Variants in SSBP2 observed in about 807,000 individuals in gnomAD.
SSBP2 encodes the protein single stranded DNA binding protein 2, also known as single-stranded DNA-binding protein 2.
A neutral mutation model predicts 61.8 loss-of-function variants in SSBP2; 17 were observed. That is an observed-to-expected ratio of 0.28 (90% CI 0.19 to 0.41). The LOEUF is 0.41. Ranked by LOEUF, SSBP2 falls within the 10% of genes least tolerant of loss-of-function variation. SSBP2 has a pLI of 1.00. For missense variants in SSBP2, 310 were observed against 458.7 expected, an observed-to-expected ratio of 0.68 and a Z score of 2.96; for synonymous variants, 139 against 141.3, an observed-to-expected ratio of 0.98 and a Z score of 0.12.
At chr5:81,640,894 G>A (rs1038764374) in intron 2 of SSBP2, among the ~76,000 whole-genome samples, 2 of 152,074 alleles carry the variant, frequency 1.3e-5, no homozygotes, top group Admixed American at 6.5e-5. Context: ...CCTCACCAAC[G>A]TACTCAGACA....
intron 1 of SSBP2, 106 bp from the exon 2 acceptor site, chr5:81,650,445 C>A: frequency 3.3e-6 from 2 of 605,934 alleles, no homozygotes; most frequent in Non-Finnish European, 5.3e-6. Context: ...TAACAGTGAC[C>A]AAAAATAAAC....
At chr5:81,521,302 A>C (rs929320073) in intron 4 of SSBP2, among the ~76,000 whole-genome samples, 1 of 151,858 alleles carries the variant, frequency 6.6e-6, no homozygotes, top group Non-Finnish European at 1.5e-5. Context: ...TGTTTTTATC[A>C]TCTCTTCTTC....
At chr5:81,440,787 T>C (rs569650969) in intron 13 of SSBP2, 151 bp from the exon 14 acceptor site, 1 of 596,322 alleles carries the variant, frequency 1.7e-6, no homozygotes, top group East Asian at 3.0e-5. Flanking sequence ...TTCAGCCTTG[T>C]GGATTCTCTA....
At chr5:81,654,138 T>A (rs1750008272) in intron 1 of SSBP2, among the ~76,000 whole-genome samples, 1 of 152,000 alleles carries the variant, frequency 6.6e-6, no homozygotes, top group Non-Finnish European at 1.5e-5. Context: ...TAATTTTTAA[T>A]TTTTTTGGTA....
At chr5:81,718,707 A>G (rs1013821955) in intron 1 of SSBP2, among the ~76,000 whole-genome samples, 4 of 152,340 alleles carry the variant, frequency 2.6e-5, no homozygotes, top group East Asian at 1.9e-4. Context: ...AGTTATTCCC[A>G]GGAGTGCCAC....
intron 4 of SSBP2, among the ~76,000 whole-genome samples, chr5:81,603,401 G>A (rs1744574083): frequency 1.3e-5 from 2 of 152,098 alleles, no homozygotes; most frequent in Admixed American, 6.5e-5. Context: ...AAGAGACCAG[G>A]GAAGAAGCCT....
Position 81,416,890 on chromosome 5 carries a change from C to T in SSBP2, c.*3614G>A, listed in dbSNP as rs1329171688. 1.3e-5 allele frequency: 2 copies of T among 152,154 alleles called. No individual in the cohort carries two copies. Among genetic ancestry groups the T allele is most frequent in the Non-Finnish European group, 2.9e-5 (2 of 68,076 alleles). The allele number at this position is 152,154 out of a possible 1,614,324, so 9.4% of individuals were successfully genotyped here. On this transcript the variant is annotated 3_prime_UTR_variant, in exon 17 of 17. Coordinates refer to ENST00000320672, the MANE Select transcript of SSBP2 (RefSeq NM_012446.5). ...ATCTTTTCTATTTTTGAGATGGAGT[C>T]TTGCTCTGTCACCCAGGCTGGAGTG...
intron 4 of SSBP2, among the ~76,000 whole-genome samples, chr5:81,544,414 G>A (rs768129332): frequency 1.3e-5 from 2 of 152,024 alleles, no homozygotes; most frequent in African/African-American, 2.4e-5. Context: ...TCTTTTTATT[G>A]ACCAGCTGTA....
intron 1 of SSBP2, among the ~76,000 whole-genome samples, chr5:81,715,268 A>G (rs1755100398): frequency 6.6e-6 from 1 of 152,194 alleles, no homozygotes; most frequent in Admixed American, 6.5e-5. Flanking sequence ...TCAGGTTGCT[A>G]CTTGAGAATG....
chr5:81,744,270 T>C (rs1238050373), intron 1 of SSBP2, among the ~76,000 whole-genome samples: 2 of 152,222 alleles, frequency 1.3e-5, no homozygotes, highest in Non-Finnish European at 2.9e-5. Context: ...AATGAGATCA[T>C]TTTTAAAAGA....
chr5:81,555,773 T>C (rs537367465), intron 4 of SSBP2, among the ~76,000 whole-genome samples: 40 of 152,264 alleles, frequency 2.6e-4, no homozygotes, highest in African/African-American at 8.7e-4. Context: ...CTGTATCAGT[T>C]TGTAAAGTGA....
At chr5:81,563,768 A>G (rs975697551) in intron 4 of SSBP2, among the ~76,000 whole-genome samples, 2 of 152,230 alleles carry the variant, frequency 1.3e-5, no homozygotes, top group African/African-American at 4.8e-5. Flanking sequence ...CGACTTAAAC[A>G]TAAGACCTGA....
chr5:81,513,088 T>C (rs989570851), intron 5 of SSBP2, among the ~76,000 whole-genome samples: 3 of 152,090 alleles, frequency 2.0e-5, no homozygotes, highest in African/African-American at 7.2e-5. Flanking sequence ...GTGGTCTTGT[T>C]GAAATTTAAG....
chr5:81,751,399 A>G (rs919088371), upstream of SSBP2: 6 of 378,270 alleles, frequency 1.6e-5, no homozygotes, highest in Non-Finnish European at 3.0e-5. Context: ...CTGCTCTAGA[A>G]GGATTTTAAA....
chr5:81,434,898 G>A (rs1762578563), intron 15 of SSBP2, among the ~76,000 whole-genome samples: 1 of 152,124 alleles, frequency 6.6e-6, no homozygotes, highest in African/African-American at 2.4e-5. Context: ...GTCTGGGAGT[G>A]GAAAGAGGCA....
intron 4 of SSBP2, among the ~76,000 whole-genome samples, chr5:81,595,117 G>C (rs1298293185): frequency 6.6e-6 from 1 of 152,036 alleles, no homozygotes; most frequent in Admixed American, 6.5e-5. Context: ...AAGAAGAAGA[G>C]AGAAGAATCA....
At chr5:81,523,479 C>T (rs538000675) in intron 4 of SSBP2, among the ~76,000 whole-genome samples, 8 of 152,046 alleles carry the variant, frequency 5.3e-5, no homozygotes, top group Non-Finnish European at 1.0e-4. Flanking sequence ...TAGTAGGTGC[C>T]TTCTATGTGC....
In SSBP2 at chr5:81,607,029, G is replaced by A. The variant is rs780986863; in HGVS notation, c.282+8444C>T. ...TATCCCCATAGTTTCTAATATACAC[G>A]CTGAATTAAGGTGTACTATTGTAAA... On this transcript the variant is annotated intron_variant, in intron 4 of 16. Transcript: ENST00000320672. Among the ~76,000 whole-genome samples, 3 of 152,224 alleles carry A rather than the reference G, an allele frequency of 2.0e-5. No individual in the cohort carries two copies. The East Asian group carries it at 5.8e-4, about 29-fold the overall frequency.
chr5:81,595,787 A>C (rs1179825378), intron 4 of SSBP2, among the ~76,000 whole-genome samples: 1 of 152,220 alleles, frequency 6.6e-6, no homozygotes, highest in African/African-American at 2.4e-5. Flanking sequence ...GACAAAATTC[A>C]ACAACACTTC....
Sources: gnomAD v4.1 joint callset for allele counts (sites outside exome capture counted in the v4.1 genomes callset) on GRCh38, gnomAD v4.1.1 for gene constraint, MANE v1.5 for transcripts, NCBI Gene and HGNC (gene_info 2026-07-23, HGNC 2026-07-21) for gene names.